Variants in PUDP observed in about 807,000 individuals in gnomAD.
PUDP encodes pseudouridine-5'-phosphatase.
PUDP carries 8 observed loss-of-function variants against 9.4 expected under a neutral mutation model. The ratio of observed to expected loss-of-function variants is 0.85; its 90% CI spans 0.50 to 1.53. PUDP has a LOEUF of 1.53. Among genes scored for constraint, PUDP ranks in the 40% most tolerant of loss-of-function variants. The probability of loss-of-function intolerance (pLI) is 0.00; values close to 1 mark genes in which losing one functional copy is unlikely to be tolerated. For synonymous variants in PUDP, 99 were observed against 80.7 expected (o/e 1.23, Z -1.22); for missense variants, 188 against 189.7 (o/e 0.99, Z 0.05).
At chrX:6,768,865 AAC>A (rs768713202) in intron 3 of PUDP, among the ~76,000 whole-genome samples, 1 of 111,695 alleles carries the variant, frequency 9.0e-6, no homozygotes, top group African/African-American at 3.3e-5. Flanking sequence ...TTATAGAGAA[AAC>A]ACTAGCTCAC....
chrX:6,846,220 C>T (rs999713761), intron 3 of PUDP, among the ~76,000 whole-genome samples: 8 of 109,858 alleles, frequency 7.3e-5, no homozygotes, highest in Non-Finnish European at 1.5e-4. Context: ...CTGGCTAACA[C>T]GGTGAAACCC....
chrX:7,131,011 T>C (rs1932607935), intron 1 of PUDP, among the ~76,000 whole-genome samples: 1 of 112,383 alleles, frequency 8.9e-6, no homozygotes, highest in South Asian at 3.7e-4. Context: ...CCAAGAGTTT[T>C]GTTTGTCTTA....
At chrX:6,751,167 A>G (rs372501093) in intron 3 of PUDP, among the ~76,000 whole-genome samples, 2 of 110,474 alleles carry the variant, frequency 1.8e-5, no homozygotes, top group South Asian at 3.9e-4. Flanking sequence ...AGAAAAAAGA[A>G]AGAAAGAAAG....
Position 6,895,780 on chromosome X carries a change from C to T in PUDP, c.*247+81353G>A, listed in dbSNP as rs754261422. Among the ~76,000 whole-genome samples the T allele has an allele frequency of 9.0e-5, 10 of 111,654 alleles. No homozygotes were observed. In the East Asian group the frequency reaches 2.8e-3, roughly 31 times the overall value. ...CATAGACTAGGTAACTTAAAGAAAACGGACGTTTATTGCTCACAGCTCTGG... is the reference window on the plus strand; with the variant it reads ...CATAGACTAGGTAACTTAAAGAAAATGGACGTTTATTGCTCACAGCTCTGG... On this transcript the variant is annotated intron_variant and NMD_transcript_variant, in intron 3 of 3. Transcript: ENST00000655425.
At chrX:6,747,127 G>A (rs755966936) in intron 3 of PUDP, among the ~76,000 whole-genome samples, 51 of 111,761 alleles carry the variant, frequency 4.6e-4, no homozygotes, top group South Asian at 7.6e-4. Context: ...ATGATTGGCC[G>A]TTTTTAAGTA....
intron 1 of PUDP, among the ~76,000 whole-genome samples, chrX:6,712,983 G>A (rs1413342876): frequency 8.9e-6 from 1 of 112,002 alleles, no homozygotes; most frequent in African/African-American, 3.2e-5. Flanking sequence ...GGAAGTGGAA[G>A]TTTCGGTGAG....
intron 3 of PUDP, among the ~76,000 whole-genome samples, chrX:6,775,496 C>T (rs5989569): frequency 2.0e-5 from 2 of 101,332 alleles, no homozygotes; most frequent in Non-Finnish European, 4.0e-5. Context: ...CACACATATA[C>T]ACACACATAC....
intron 1 of PUDP, among the ~76,000 whole-genome samples, chrX:7,109,435 T>C (rs1931977113): frequency 1.8e-5 from 2 of 112,076 alleles, no homozygotes; most frequent in African/African-American, 6.5e-5. Context: ...AGGTGCTCCG[T>C]GGAACTCTGA....
intron 1 of PUDP, among the ~76,000 whole-genome samples, chrX:7,128,674 C>T (rs1932543191): frequency 8.9e-6 from 1 of 111,781 alleles, no homozygotes. Context: ...TCGGAACCTC[C>T]TCAGGTGCAT....
At chrX:6,924,277 T>C (rs1928068371) in intron 3 of PUDP, among the ~76,000 whole-genome samples, 1 of 111,933 alleles carries the variant, frequency 8.9e-6, no homozygotes, top group Admixed American at 9.5e-5. Context: ...TTGTTCACTA[T>C]TGTATCTCTT....
intron 1 of PUDP, among the ~76,000 whole-genome samples, chrX:6,721,183 G>A (rs1271787470): frequency 1.8e-5 from 2 of 111,907 alleles, no homozygotes; most frequent in Admixed American, 1.9e-4. Context: ...AATTTAACAT[G>A]ATTTAATGAA....
chrX:6,939,669 G>T (rs1456541315), intron 3 of PUDP, among the ~76,000 whole-genome samples: 1 of 109,177 alleles, frequency 9.2e-6, no homozygotes, highest in African/African-American at 3.3e-5. Context: ...TTTGAGACCA[G>T]CCTGGGGCAA....
intron 3 of PUDP, among the ~76,000 whole-genome samples, chrX:6,899,673 AGATGATGATGAT>A (rs72211121): frequency 0.21 from 21,796 of 105,015 alleles, 1,909 homozygotes; most frequent in Middle Eastern, 0.26. Context: ...TCTGTGATAG[AGATGATGATGAT>A]GATGATGATG....
At chrX:6,774,097 G>A (rs775830666) in intron 3 of PUDP, among the ~76,000 whole-genome samples, 10 of 111,606 alleles carry the variant, frequency 9.0e-5, no homozygotes, top group East Asian at 5.7e-4. Context: ...TGAGACTGCC[G>A]CTGCACTCCA....
chrX:7,078,919 C>T (rs1470202932), intron 2 of PUDP, among the ~76,000 whole-genome samples: 1 of 111,754 alleles, frequency 8.9e-6, no homozygotes, highest in African/African-American at 3.3e-5. Flanking sequence ...GAAGCAAATA[C>T]CACCCACAAT....
At chrX:6,924,674 G>A (rs1473138119) in intron 3 of PUDP, among the ~76,000 whole-genome samples, 1 of 112,409 alleles carries the variant, frequency 8.9e-6, no homozygotes, top group Non-Finnish European at 1.9e-5. Flanking sequence ...GAGGTCAGAT[G>A]TGGAGTTTTA....
intron 3 of PUDP, among the ~76,000 whole-genome samples, chrX:6,900,330 G>GA (rs1426672627): frequency 1.9e-5 from 2 of 106,896 alleles, no homozygotes; most frequent in East Asian, 6.0e-4. Context: ...ACCACTTGGG[G>GA]GGGGGGGCGC....
At chrX:6,917,337 A>G (rs1927951394) in intron 3 of PUDP, among the ~76,000 whole-genome samples, 1 of 109,201 alleles carries the variant, frequency 9.2e-6, no homozygotes, top group African/African-American at 3.4e-5. Context: ...ACTGCACTCC[A>G]GCCTAGGCAA....
intron 3 of PUDP, among the ~76,000 whole-genome samples, chrX:6,837,966 T>C (rs1926609620): frequency 9.0e-6 from 1 of 110,840 alleles, no homozygotes; most frequent in African/African-American, 3.3e-5. Context: ...GAAATATCAA[T>C]GTATAATCAG....
Sources: allele counts gnomAD v4.1 joint callset (sites outside exome capture counted in the v4.1 genomes callset), GRCh38; gene constraint gnomAD v4.1.1; transcripts MANE v1.5; gene names NCBI Gene and HGNC (gene_info 2026-07-23, HGNC 2026-07-21).